The following CETN3 variants were observed in gnomAD, a reference collection of about 807,000 sequenced individuals.
The protein encoded by CETN3 is centrin-3.
Under a neutral mutation model 20.1 loss-of-function variants are expected in CETN3, and 17 were observed. That is an observed-to-expected ratio of 0.85 (90% CI 0.58 to 1.27). The LOEUF (loss-of-function observed/expected upper bound fraction) is 1.27. Among genes scored for constraint, CETN3 ranks in the 50% most tolerant of loss-of-function variants. The pLI is 0.00. For synonymous variants in CETN3, 52 were observed against 59.7 expected (o/e 0.87, Z 0.59); for missense variants, 169 against 191.2 (o/e 0.88, Z 0.69).
chr5:90,393,789 A>C lies in CETN3; in HGVS notation c.*275T>G, dbSNP rs1008222809. ...GCACTAAAAAGTGACTATAAATGTT[A>C]AATTAAAAAACCTTCAAAGAACACA... On this transcript the variant is annotated 3_prime_UTR_variant, in exon 5 of 5. Transcript: ENST00000283122. The C allele has an allele frequency of 4.4e-6, 1 of 227,824 alleles. No homozygotes were observed. Among genetic ancestry groups the C allele is most frequent in the Non-Finnish European group, 8.5e-6 (1 of 118,100 alleles). 14.1% of individuals were successfully genotyped at this position (227,824 alleles called of 1,614,324 possible).
Position 90,399,533 on chromosome 5 carries a change from C to A in CETN3, c.285G>T (p.Leu95Phe). Residue 95 changes from leucine (L) to phenylalanine (F), a missense_variant, in exon 4 of 5, where the codon TTG becomes TTT. Transcript: ENST00000283122. ...DFNEVVTDWI[L>F]ERDPHEEILK... Reference sequence around the variant, plus strand: ...GTATTTCTTCATGGGGATCTCTTTCCAATATCCAGTCTGTCACTACAGTTT... The same window carrying A: ...GTATTTCTTCATGGGGATCTCTTTCAAATATCCAGTCTGTCACTACAGTTT... The A allele has an allele frequency of 6.2e-7, 1 of 1,611,600 alleles. No individual in the cohort carries two copies. Among genetic ancestry groups the A allele is most frequent in the Non-Finnish European group, 8.5e-7 (1 of 1,178,302 alleles).
At chr5:90,396,543 A>C in intron 4 of CETN3, 2 of 1,533,744 alleles carry the variant, frequency 1.3e-6, no homozygotes, top group Middle Eastern at 1.7e-4. Flanking sequence ...CCAAATAGGA[A>C]GCAAGAGTAT....
At position 90,392,837 on chromosome 5, in the gene CETN3, C is replaced by T. The variant is rs189035763; in HGVS notation, c.*1227G>A. 7.9e-5 allele frequency: 12 copies of T among 152,326 alleles called. No homozygotes were observed. The highest frequency in any genetic ancestry group is 1.8e-4 in the Non-Finnish European group (12 of 68,022). 9.4% of individuals were successfully genotyped at this position (152,326 alleles called of 1,614,324 possible). A position where few individuals can be genotyped will look rare whatever the true frequency, so the allele number is the denominator to read the frequency against. On this transcript the variant is annotated 3_prime_UTR_variant, in exon 5 of 5. Transcript: ENST00000283122. The stretch of plus-strand genomic sequence containing the variant: ...TAGATAACTGTTTGAAATGTCACTA[C>T]TGCTATAGTATTCCCTACTGATTTT...
chr5:90,394,816 A>T (rs1266968607), intron 4 of CETN3, among the ~76,000 whole-genome samples: 1 of 152,122 alleles, frequency 6.6e-6, no homozygotes, highest in Non-Finnish European at 1.5e-5. Flanking sequence ...AGAATCTCCA[A>T]TTTATAAAAC....
chr5:90,394,113 G>T lies in CETN3; in HGVS notation c.461-6C>A, dbSNP rs751575673. The T allele has an allele frequency of 6.5e-7, 1 of 1,529,010 alleles. No individual in the cohort carries two copies. Among genetic ancestry groups the T allele is most frequent in the African/African-American group, 1.4e-5 (1 of 72,518 alleles). The allele number at this position is 1,529,010 out of a possible 1,614,324, so 94.7% of individuals were successfully genotyped here. A position where few individuals can be genotyped will look rare whatever the true frequency, so the allele number is the denominator to read the frequency against. ...AATGAACTCCTCTTGGTTTACTGTGGTAAGAAAGAAAATGAAATAGTCAGA... is the reference window on the plus strand; with the variant it reads ...AATGAACTCCTCTTGGTTTACTGTGTTAAGAAAGAAAATGAAATAGTCAGA... On this transcript the variant is annotated splice_polypyrimidine_tract_variant and splice_region_variant and intron_variant, in intron 4 of 4. Transcript: ENST00000283122.
rs533185720 is a variant in CETN3 at position 90,399,699 on chromosome 5, C to T, written c.269-150G>A. ...AATGTCAAATGAGATCCCCAAACCC[C>T]GAGATAAACCTGAAATTAGAAAAAT... On this transcript the variant is annotated intron_variant, in intron 3 of 4. Transcript: ENST00000283122. The T allele has an allele frequency of 1.5e-3, 944 of 619,180 alleles. 2 individuals are homozygous for T. The highest frequency in any genetic ancestry group is 5.3e-3 in the Admixed American group (174 of 32,820). The allele number at this position is 619,180 out of a possible 1,614,324, so 38.4% of individuals were successfully genotyped here. A position where few individuals can be genotyped will look rare whatever the true frequency, so the allele number is the denominator to read the frequency against.
intron 2 of CETN3, among the ~76,000 whole-genome samples, chr5:90,406,232 T>C (rs375016663): frequency 1.3e-5 from 2 of 152,102 alleles, no homozygotes; most frequent in African/African-American, 4.8e-5. Context: ...AGGTAAATGA[T>C]AGGGCTAAGG....
At chr5:90,400,109 T>C (rs1049607763) in intron 3 of CETN3, among the ~76,000 whole-genome samples, 2 of 152,194 alleles carry the variant, frequency 1.3e-5, no homozygotes, top group Admixed American at 6.5e-5. Flanking sequence ...ATTCCACTAA[T>C]ACCTTTGTGA....
chr5:90,408,047 A>T (rs1252517573), intron 1 of CETN3, among the ~76,000 whole-genome samples: 2 of 152,182 alleles, frequency 1.3e-5, no homozygotes, highest in Non-Finnish European at 2.9e-5. Context: ...AGATTATTAA[A>T]AGAAATGAGG....
chr5:90,394,062 C>A lies in CETN3; in HGVS notation c.*2G>T, dbSNP rs759161636. On this transcript the variant is annotated 3_prime_UTR_variant, in exon 5 of 5. Coordinates refer to ENST00000283122, the MANE Select transcript of CETN3 (RefSeq NM_004365.4). ...ATTCTTAGTGTTTATCCTTGTAATT[C>A]TTTAAATGTCACCAGTCATAATAGC... 3 of 1,535,698 alleles carry A rather than the reference C, an allele frequency of 2.0e-6. No homozygotes were observed. Among genetic ancestry groups the A allele is most frequent in the Admixed American group, 1.8e-5 (1 of 56,044 alleles).
Position 90,407,720 on chromosome 5 carries a change from TG to T in CETN3, c.131del (p.Ala44GlufsTer2). Reference protein sequence around the residue: ...FELFDTDKDEAIDYHELKVAM... With the variant: ...FELFDTDKDEXIDYHELKVAM... ...TTACCTTTAATTCATGATAATCTAT[TG>T]CTTCATCTTTGTCTGTATCAAATAG... On this transcript the variant is annotated frameshift_variant, in exon 2 of 5. Transcript: ENST00000283122. LOFTEE classifies it high-confidence loss of function. 1 of 1,545,416 alleles carries T rather than the reference TG, an allele frequency of 6.5e-7. No individual in the cohort carries two copies. Among genetic ancestry groups the T allele is most frequent in the Non-Finnish European group, 8.8e-7 (1 of 1,135,120 alleles).
intron 4 of CETN3, among the ~76,000 whole-genome samples, chr5:90,394,871 T>C (rs1749101963): frequency 6.9e-6 from 1 of 144,600 alleles, no homozygotes; most frequent in South Asian, 2.3e-4. Flanking sequence ...TCAGATAATC[T>C]TATAGAATAT....
At chr5:90,407,616 T>C (rs1749485772) in intron 2 of CETN3, 83 bp downstream of exon 2, 1 of 989,434 alleles carries the variant, frequency 1.0e-6, no homozygotes, top group Non-Finnish European at 1.4e-6. Flanking sequence ...GTTAAAATAA[T>C]TATTTAGAAA....
intron 4 of CETN3, chr5:90,396,298 C>T: frequency 1.0e-6 from 1 of 985,174 alleles, no homozygotes; most frequent in South Asian, 4.7e-5. Context: ...CTATGACAAA[C>T]ATGGTAAGAA....
At chr5:90,409,596 G>T in intron 1 of CETN3, 49 bp downstream of exon 1, 1 of 1,610,712 alleles carries the variant, frequency 6.2e-7, no homozygotes, top group Non-Finnish European at 8.5e-7. Flanking sequence ...CACCCTCCCT[G>T]GGCCCCGCTC....
At chr5:90,399,924 G>A (rs866522528) in intron 3 of CETN3, among the ~76,000 whole-genome samples, 17 of 152,184 alleles carry the variant, frequency 1.1e-4, no homozygotes, top group African/African-American at 3.6e-4. Flanking sequence ...TACCTGTGGA[G>A]AGACATACCA....
rs1749487944 is a variant in CETN3 at position 90,407,684 on chromosome 5, A to G, written c.153+15T>C. 3 of 1,425,064 alleles carry G rather than the reference A, an allele frequency of 2.1e-6. No individual in the cohort carries two copies. Among genetic ancestry groups the G allele is most frequent in the African/African-American group, 1.5e-5 (1 of 68,856 alleles). The allele number at this position is 1,425,064 out of a possible 1,614,324, so 88.3% of individuals were successfully genotyped here. On this transcript the variant is annotated intron_variant, in intron 2 of 4. Transcript: ENST00000283122. The stretch of plus-strand genomic sequence containing the variant: ...ATTTTAACACAGAAACAAATATTTT[A>G]AAGTATACCATTACCTTTAATTCAT...
At chr5:90,409,591 TC>T in intron 1 of CETN3, 53 bp downstream of exon 1, 1 of 1,608,446 alleles carries the variant, frequency 6.2e-7, no homozygotes, top group Non-Finnish European at 8.5e-7. Flanking sequence ...ACACACACCC[TC>T]CCTGGGCCCC....
intron 3 of CETN3, among the ~76,000 whole-genome samples, chr5:90,402,104 G>C (rs181747870): frequency 6.6e-6 from 1 of 152,170 alleles, no homozygotes; most frequent in Admixed American, 6.5e-5. Context: ...CTCCCGCCTT[G>C]ACCTCCCAAA....
Sources: allele counts gnomAD v4.1 joint callset (sites outside exome capture counted in the v4.1 genomes callset), GRCh38; gene constraint gnomAD v4.1.1; transcripts MANE v1.5; gene names NCBI Gene and HGNC (gene_info 2026-07-23, HGNC 2026-07-21).